The following NPR2 variants were observed in gnomAD, a reference collection of about 807,000 sequenced individuals.
NPR2 encodes the protein natriuretic peptide receptor 2, also known as atrial natriuretic peptide receptor 2.
NPR2 carries 49 observed loss-of-function variants against 120.7 expected under a neutral mutation model. The observed-to-expected ratio is 0.41, with a 90% confidence interval of 0.32 to 0.52. The LOEUF (loss-of-function observed/expected upper bound fraction) is 0.52, where lower values mean the gene tolerates loss of function less well. Among genes scored for constraint, NPR2 ranks in the 20% least tolerant of loss-of-function variants. The pLI is 0.36. For synonymous variants in NPR2, 484 were observed against 519.8 expected (o/e 0.93, Z 0.94); for missense variants, 931 against 1,362.9 (o/e 0.68, Z 4.99).
intron 12 of NPR2, among the ~76,000 whole-genome samples, chr9:35,804,759 C>T (rs1312531451): frequency 6.7e-6 from 1 of 149,624 alleles, no homozygotes; most frequent in Non-Finnish European, 1.5e-5. Flanking sequence ...TCCTCTACCC[C>T]GACCTGCCCA....
Position 35,808,247 on chromosome 9 carries a change from T to G in NPR2, c.2713-262T>G, listed in dbSNP as rs751202807. 1 of 1,614,220 alleles carries G rather than the reference T, an allele frequency of 6.2e-7. No individual in the cohort carries two copies. Among genetic ancestry groups the G allele is most frequent in the South Asian group, 1.1e-5 (1 of 91,084 alleles). ...TGATGGCAGAGCCTATTTGTCCATG[T>G]CCTGCTGCAGACAGGGTGTTCATTC... On this transcript the variant is annotated intron_variant, in intron 18 of 21. Transcript: ENST00000342694. This position sits in a 1 kb window ranked among gnomAD's most constrained non-coding sequence, Gnocchi z 4.0.
At chr9:35,795,546 T>C (rs1188091495) in intron 2 of NPR2, among the ~76,000 whole-genome samples, 1 of 152,174 alleles carries the variant, frequency 6.6e-6, no homozygotes, top group Admixed American at 6.5e-5. Flanking sequence ...GTGGCTGTGA[T>C]TATATATTTG....
intron 2 of NPR2, among the ~76,000 whole-genome samples, chr9:35,798,980 G>A (rs1828033084): frequency 6.6e-6 from 1 of 152,222 alleles, no homozygotes; most frequent in Non-Finnish European, 1.5e-5. Flanking sequence ...GCTGTTTGTG[G>A]TAGGTGTTCC....
chr9:35,797,327 C>G (rs1237778508), intron 2 of NPR2, among the ~76,000 whole-genome samples: 1 of 152,160 alleles, frequency 6.6e-6, no homozygotes, highest in Non-Finnish European at 1.5e-5. Flanking sequence ...GATCCAGAAG[C>G]CCAGGCTGGT....
intron 1 of NPR2, 152 bp from the exon 2 acceptor site, chr9:35,793,746 G>A (rs1827858625): frequency 2.6e-6 from 2 of 755,268 alleles, no homozygotes; most frequent in African/African-American, 1.7e-5. Context: ...GACTCCAAGA[G>A]GGGTGGGCTG....
In NPR2 at chr9:35,805,518, C is replaced by T; in HGVS notation, c.1895C>T (p.Ala632Val). ...TTGATCTGTACCCTGCAGGGCATGGCCTTTCTCCACAACAGCATTATTTCA... is the reference window on the plus strand; with the variant it reads ...TTGATCTGTACCCTGCAGGGCATGGTCTTTCTCCACAACAGCATTATTTCA... ...SLINDLVKGM[A>V]FLHNSIISSH... Residue 632 changes from alanine to valine, a missense_variant, in exon 13 of 22, where the codon GCC becomes GTC. Coordinates refer to ENST00000342694, the MANE Select transcript of NPR2 (RefSeq NM_003995.4). This position sits in a 1 kb window ranked among gnomAD's most constrained non-coding sequence, Gnocchi z 4.9. 3 of 1,614,188 alleles carry T rather than the reference C, an allele frequency of 1.9e-6. No homozygotes were observed. Among genetic ancestry groups the T allele is most frequent in the Non-Finnish European group, 2.5e-6 (3 of 1,180,016 alleles).
rs1827873919 is a variant in NPR2 at position 35,794,097 on chromosome 9, C to T, written c.867C>T (p.Ala289=). ...TREQAQALRE[A]FQTVLVITYR... ...AACAGGCCCAGGCCCTCAGAGAGGC[C>T]TTTCAGGTATCATTTGAGCCAAATC... Residue 289 remains alanine (A), a synonymous_variant, in exon 2 of 22, where the codon GCC becomes GCT. Transcript: ENST00000342694. The T allele has an allele frequency of 1.2e-6, 2 of 1,613,490 alleles. No individual in the cohort carries two copies. The highest frequency in any genetic ancestry group is 1.3e-5 in the African/African-American group (1 of 74,886).
At position 35,793,061 on chromosome 9, in the gene NPR2, G is replaced by T; in HGVS notation, c.653G>T (p.Arg218Leu). 6.3e-7 allele frequency: 1 copy of T among 1,597,734 alleles called. No homozygotes were observed. Among genetic ancestry groups the T allele is most frequent in the Non-Finnish European group, 8.5e-7 (1 of 1,173,644 alleles). The stretch of plus-strand genomic sequence containing the variant: ...CCCGAGCAGGCCACCCACTTCATCC[G>T]GGCCAACGGGCGCAGTGAGTGTGGC... Reference protein sequence around the residue: ...GGPEQATHFIRANGRIVYICG... With the variant: ...GGPEQATHFILANGRIVYICG... The change falls in exon 1 of 22, where the codon CGG (arginine) becomes CTG (leucine). Residue 218 changes from arginine to leucine, a missense_variant. By Grantham distance (102) the Arg-to-Leu change is moderately radical (BLOSUM62 -2). Around this residue, in one of 3 missense-constraint regions of NPR2, gnomAD observed 681 missense variants for 974.3 expected, o/e 0.70. Coordinates refer to ENST00000342694, the MANE Select transcript of NPR2 (RefSeq NM_003995.4).
chr9:35,801,558 G>T (rs1181464080), intron 7 of NPR2, 85 bp from the exon 8 acceptor site: 2 of 1,471,102 alleles, frequency 1.4e-6, no homozygotes, highest in African/African-American at 1.4e-5. Context: ...TTCAGGAGCT[G>T]CAGGGAAGCC....
At chr9:35,795,939 A>G (rs1253236129) in intron 2 of NPR2, among the ~76,000 whole-genome samples, 1 of 152,224 alleles carries the variant, frequency 6.6e-6, no homozygotes, top group Non-Finnish European at 1.5e-5. Context: ...AGGTACTGGT[A>G]TACAAGGGAG....
In NPR2 at chr9:35,806,448, A is replaced by G. The variant is rs764876586; in HGVS notation, c.2429A>G (p.Asn810Ser). 44 of 1,614,008 alleles carry G rather than the reference A, an allele frequency of 2.7e-5. No individual in the cohort carries two copies. The highest frequency in any genetic ancestry group is 3.6e-5 in the Non-Finnish European group (42 of 1,179,962). The change falls in exon 16 of 22, where the codon AAT (asparagine) becomes AGT (serine). Residue 810 changes from asparagine (N) to serine (S), a missense_variant. Physicochemically the swap from Asn to Ser is conservative, Grantham distance 46. Coordinates refer to ENST00000342694, the MANE Select transcript of NPR2 (RefSeq NM_003995.4). This position sits in a 1 kb window ranked among gnomAD's most constrained non-coding sequence, Gnocchi z 4.6. Reference protein sequence around the residue: ...NLLLRMEQYANNLEKLVEERT... With the variant: ...NLLLRMEQYASNLEKLVEERT... The stretch of plus-strand genomic sequence containing the variant: ...CTGCTGCGCATGGAACAGTATGCCA[A>G]TAACTTGGAGAAGCTGGTGGAGGAA...
chr9:35,804,141 G>T (rs1828275381), intron 12 of NPR2, among the ~76,000 whole-genome samples: 1 of 151,996 alleles, frequency 6.6e-6, no homozygotes, highest in Non-Finnish European at 1.5e-5. Context: ...AATGTTTTTT[G>T]TTAGCATATT....
In NPR2 at chr9:35,800,742, A is replaced by C; in HGVS notation, c.1252A>C (p.Ile418Leu). 6.2e-7 allele frequency: 1 copy of C among 1,614,078 alleles called. No individual in the cohort carries two copies. Among genetic ancestry groups the C allele is most frequent in the Non-Finnish European group, 8.5e-7 (1 of 1,180,000 alleles). The change falls in exon 6 of 22, where the codon ATT (isoleucine) becomes CTT (leucine). Residue 418 changes from isoleucine to leucine, a missense_variant. This residue lies in a region of NPR2 where 681 missense variants were observed against 974.3 expected (regional missense o/e 0.70). Transcript: ENST00000342694. This position sits in a 1 kb window ranked among gnomAD's most constrained non-coding sequence, Gnocchi z 4.7. ...AAHYSGAEKQ[I>L]WWTGRPIPWV... ...CCACTACTCGGGAGCTGAGAAGCAG[A>C]TTTGGTGGACGGGACGGCCTATTCC...
At chr9:35,795,644 T>C (rs571529761) in intron 2 of NPR2, among the ~76,000 whole-genome samples, 1 of 152,348 alleles carries the variant, frequency 6.6e-6, no homozygotes, top group East Asian at 1.9e-4. Context: ...CACTTGAATA[T>C]GGGCAGTGGC....
chr9:35,800,861 G>A lies in NPR2; in HGVS notation c.1351+20G>A. The A allele has an allele frequency of 6.2e-7, 1 of 1,614,114 alleles. No individual in the cohort carries two copies. Among genetic ancestry groups the A allele is most frequent in the African/African-American group, 1.3e-5 (1 of 75,008 alleles). On this transcript the variant is annotated intron_variant, in intron 6 of 21. Coordinates refer to ENST00000342694, the MANE Select transcript of NPR2 (RefSeq NM_003995.4). This position sits in a 1 kb window ranked among gnomAD's most constrained non-coding sequence, Gnocchi z 4.7. ...ATAAAAGTGGGTGTGTGCAGGGACTGGGAGCAGCTTTCCTCCCTTTGCTTT... is the reference window on the plus strand; with the variant it reads ...ATAAAAGTGGGTGTGTGCAGGGACTAGGAGCAGCTTTCCTCCCTTTGCTTT...
At chr9:35,799,552 C>T (rs921373442) in intron 2 of NPR2, 66 bp from the exon 3 acceptor site, 2 of 1,156,012 alleles carry the variant, frequency 1.7e-6, no homozygotes, top group African/African-American at 1.5e-5. Flanking sequence ...CCCTGTCCTG[C>T]ATCTTCTCTT....
chr9:35,803,580 G>A (rs1412579617), intron 12 of NPR2, among the ~76,000 whole-genome samples: 1 of 152,182 alleles, frequency 6.6e-6, no homozygotes, highest in East Asian at 1.9e-4. Flanking sequence ...AGAAACCAAG[G>A]AAGATTGTAC....
intron 6 of NPR2, 36 bp from the exon 7 acceptor site, chr9:35,801,032 GCA>G (rs1563987621): frequency 6.3e-7 from 1 of 1,581,866 alleles, no homozygotes. Flanking sequence ...TGCCAAGTCC[GCA>G]CACAGTCTTC....
intron 17 of NPR2, 27 bp from the exon 18 acceptor site, chr9:35,807,303 G>A: frequency 6.3e-7 from 1 of 1,596,136 alleles, no homozygotes; most frequent in Non-Finnish European, 8.6e-7. Context: ...ACAAGTCTCA[G>A]GGCCTCTGCT....
Sources: allele counts gnomAD v4.1 joint callset (sites outside exome capture counted in the v4.1 genomes callset), GRCh38; gene constraint gnomAD v4.1.1; regional missense constraint gnomAD v4.1.1; non-coding constraint Gnocchi (gnomAD v3.1); transcripts MANE v1.5; gene names NCBI Gene and HGNC (gene_info 2026-07-23, HGNC 2026-07-21).